The following PRB2 variants were observed in gnomAD, a reference collection of about 807,000 sequenced individuals.
PRB2 encodes proline rich protein BstNI subfamily 2.
Under a neutral mutation model 8.3 loss-of-function variants are expected in PRB2, and 12 were observed. The ratio of observed to expected loss-of-function variants is 1.45; its 90% confidence interval spans 0.93 to 2.35. The LOEUF is 2.35. Ranked by LOEUF, PRB2 falls within the 30% of genes most tolerant of loss-of-function variation. The pLI is 0.00. For missense variants in PRB2, 470 were observed against 507.0 expected, an observed-to-expected ratio of 0.93 and a Z score of 0.70; for synonymous variants, 146 against 180.0, an observed-to-expected ratio of 0.81 and a Z score of 1.51.
chr12:11,392,691 G>A, intron 3 of PRB2, 103 bp downstream of exon 3: 1 of 597,252 alleles, frequency 1.7e-6, no homozygotes, highest in Non-Finnish European at 2.6e-6. Flanking sequence ...ATGGGATCTG[G>A]GACTATACAA....
rs770514218 is a variant in PRB2 at position 11,393,687 on chromosome 12, C to G, written c.391G>C (p.Gly131Arg). 9.6e-6 allele frequency: 15 copies of G among 1,563,304 alleles called. No homozygotes were observed. In the South Asian group the frequency reaches 1.1e-4, roughly 12 times the overall value. Residue 131 changes from glycine to arginine, a missense_variant, in exon 3 of 4, where the codon GGT (glycine) becomes CGT (arginine). Coordinates refer to ENST00000389362, the MANE Select transcript of PRB2 (RefSeq NM_006248.4). ...GGCTTTCCTGGAGGAGGTGGAGGACCTTGAGGCTGGTTGCCTCCTTGTGGG... is the reference window on the plus strand; with the variant it reads ...GGCTTTCCTGGAGGAGGTGGAGGACGTTGAGGCTGGTTGCCTCCTTGTGGG... ...PPPQGGNQPQ[G>R]PPPPPGKPQG... is the part of the protein sequence containing the mutation.
intron 3 of PRB2, 42 bp from the exon 4 acceptor site, chr12:11,391,690 A>G (rs113580100): frequency 0.032 from 13,240 of 415,390 alleles, 820 homozygotes; most frequent in Non-Finnish European, 0.046. Flanking sequence ...CAGACTTGAC[A>G]TGGCAGGAAA....
chr12:11,395,565 GCTGGGAGGAACGTGGCA>G (rs1255948860), exon 1 of PRB2: 1 of 1,592,768 alleles, frequency 6.3e-7, no homozygotes, highest in Non-Finnish European at 8.6e-7. Flanking sequence ...CCAACTCTGT[GCTGGGAGGAACGTGGCA>G]ACTCCCTTTA....
At chr12:11,394,085 C>T (rs1864369197) in intron 2 of PRB2, 108 bp from the exon 3 acceptor site, 2 of 1,439,330 alleles carry the variant, frequency 1.4e-6, no homozygotes, top group South Asian at 1.2e-5. Context: ...AGTGGGGAAA[C>T]ACACAAAAAT....
chr12:11,394,621 A>G, intron 1 of PRB2, 91 bp from the exon 2 acceptor site: 2 of 1,474,174 alleles, frequency 1.4e-6, no homozygotes, highest in Non-Finnish European at 1.9e-6. Flanking sequence ...ACTTCTCACC[A>G]CACCCCATGC....
rs368029981 is a variant in PRB2, at chr12:11,394,846, C to G, written c.65-316G>C. Among the ~76,000 whole-genome samples, 321 of 152,274 alleles carry G rather than the reference C, an allele frequency of 2.1e-3. 2 individuals carry two copies. The highest frequency in any genetic ancestry group is 7.6e-3 in the African/African-American group (314 of 41,546). On this transcript the variant is annotated intron_variant, in intron 1 of 3. Coordinates refer to ENST00000389362, the MANE Select transcript of PRB2 (RefSeq NM_006248.4). ...TGATATTTTGGTGTTCTTATGCCCTCCATCTCCTATAAATACATTGCTTAT... is the reference window on the plus strand; with the variant it reads ...TGATATTTTGGTGTTCTTATGCCCTGCATCTCCTATAAATACATTGCTTAT...
Position 11,392,997 on chromosome 12 carries a change from A to C in PRB2, c.1081T>G (p.Ser361Ala), listed in dbSNP as rs200906432. ...QGGSKSRSAR[S>A]PPGKPQGPPQ... is the part of the protein sequence containing the mutation. ...GGTCCTTGTGGCTTTCCTGGAGGAG[A>C]TCGGGCACTTCGGGACTTGCTGCCT... Residue 361 changes from serine to alanine, a missense_variant, in exon 3 of 4, where the codon TCT becomes GCT. Transcript: ENST00000389362. 1,029 of 1,596,288 alleles carry C rather than the reference A, an allele frequency of 6.4e-4. 10 individuals carry two copies. The highest frequency in any genetic ancestry group is 3.7e-3 in the African/African-American group (263 of 70,330).
Position 11,393,200 on chromosome 12 carries a change from T to C in PRB2, c.878A>G (p.Lys293Arg), listed in dbSNP as rs757292752. ...TGGAGGAGATCGAGAACTTCGGGAC[T>C]TGCTGCCTCCTTGTGGGGGTGGTCC... ...PQGPPPQGGS[K>R]SRSSRSPPGK... Residue 293 changes from lysine (K) to arginine (R), a missense_variant, in exon 3 of 4, where the codon AAG (lysine) becomes AGG (arginine). Lys to Arg is a conservative substitution (Grantham distance 26). Transcript: ENST00000389362. The C allele has an allele frequency of 6.3e-7, 1 of 1,587,004 alleles. No individual in the cohort carries two copies.
rs1484761047 is a variant in PRB2 at position 11,395,471 on chromosome 12, T to C, written c.59A>G (p.Asn20Ser). The change falls in exon 1 of 4, where the codon AAT becomes AGT. Residue 20 changes from asparagine to serine, a missense_variant. Physicochemically the swap from Asn to Ser is conservative, Grantham distance 46. Around this residue, in one of 4 missense-constraint regions of PRB2, gnomAD observed 211 missense variants for 207.7 expected, o/e 1.02. Coordinates refer to ENST00000389362, the MANE Select transcript of PRB2 (RefSeq NM_006248.4). Reference protein sequence around the residue: ...LLALSSAQNLNEDVSQEESPS... With the variant: ...LLALSSAQNLSEDVSQEESPS... ...TTCTCCCCCTTCTGTTTTACCTTCA[T>C]TTAAGTTCTGAGCTGAGCTCAGGGC... 1.5e-5 allele frequency: 25 copies of C among 1,613,774 alleles called. No homozygotes were observed. The highest frequency in any genetic ancestry group is 1.6e-4 in the Middle Eastern group (1 of 6,062).
intron 2 of PRB2, among the ~76,000 whole-genome samples, chr12:11,394,254 GC>G (rs1392972879): frequency 2.6e-5 from 4 of 152,124 alleles, no homozygotes; most frequent in African/African-American, 9.7e-5. Context: ...GGCACTCCTG[GC>G]CAGGGGGATG....
chr12:11,394,568 C>A (rs374430017), intron 1 of PRB2, 38 bp from the exon 2 acceptor site: 8 of 1,608,014 alleles, frequency 5.0e-6, no homozygotes, highest in Admixed American at 1.7e-5. Context: ...ACAGTTACAT[C>A]TTGAACCTTA....
chr12:11,395,474 A>G lies in PRB2; in HGVS notation c.56T>C (p.Leu19Ser). 1 of 1,613,768 alleles carries G rather than the reference A, an allele frequency of 6.2e-7. No individual in the cohort carries two copies. The highest frequency in any genetic ancestry group is 8.5e-7 in the Non-Finnish European group (1 of 1,179,818). ...TCCCCCTTCTGTTTTACCTTCATTTAAGTTCTGAGCTGAGCTCAGGGCCAG... is the reference window on the plus strand; with the variant it reads ...TCCCCCTTCTGTTTTACCTTCATTTGAGTTCTGAGCTGAGCTCAGGGCCAG... Reference protein sequence around the residue: ...ALLALSSAQNLNEDVSQEESP... With the variant: ...ALLALSSAQNSNEDVSQEESP... Residue 19 changes from leucine to serine, a missense_variant, in exon 1 of 4, where the codon TTA (leucine) becomes TCA (serine). Coordinates refer to ENST00000389362, the MANE Select transcript of PRB2 (RefSeq NM_006248.4).
rs766041933 is a variant in PRB2 at position 11,393,135 on chromosome 12, G to C, written c.943C>G (p.Pro315Ala). Residue 315 changes from proline (P) to alanine (A), a missense_variant, in exon 3 of 4, where the codon CCT becomes GCT. Pro to Ala is a conservative substitution (Grantham distance 27). Transcript: ENST00000389362. Reference protein sequence around the residue: ...QGPPPQGGNQPQGPPPPPGKP... With the variant: ...QGPPPQGGNQAQGPPPPPGKP... ...CCTGGAGGAGGTGGGGGACCTTGAG[G>C]CTGGTTGCCTCCTTGTGGGGGTGGT... 1.0e-5 allele frequency: 16 copies of C among 1,588,510 alleles called. No individual in the cohort carries two copies. The South Asian group carries it at 1.3e-4, about 13-fold the overall frequency.
At chr12:11,394,666 A>C in intron 1 of PRB2, 136 bp from the exon 2 acceptor site, 1 of 1,175,148 alleles carries the variant, frequency 8.5e-7, no homozygotes, top group South Asian at 1.3e-5. Context: ...ACCATCTGTG[A>C]AGCTGCTGGA....
chr12:11,394,279 C>T (rs774836277), intron 2 of PRB2, among the ~76,000 whole-genome samples: 42 of 152,162 alleles, frequency 2.8e-4, no homozygotes, highest in Non-Finnish European at 5.7e-4. Flanking sequence ...TAACCCACTC[C>T]TGCTGTCATC....
intron 2 of PRB2, 98 bp downstream of exon 2, chr12:11,394,397 C>A: frequency 7.0e-7 from 1 of 1,425,884 alleles, no homozygotes; most frequent in Non-Finnish European, 9.9e-7. Flanking sequence ...TTAATCAATT[C>A]CCGAAAGGAA....
chr12:11,393,770 G>A lies in PRB2; in HGVS notation c.308C>T (p.Pro103Leu), dbSNP rs1864361108. 1.3e-6 allele frequency: 2 copies of A among 1,595,792 alleles called. No homozygotes were observed. Among genetic ancestry groups the A allele is most frequent in the Non-Finnish European group, 8.5e-7 (1 of 1,172,376 alleles). Residue 103 changes from proline to leucine, a missense_variant, in exon 3 of 4, where the codon CCA becomes CTA. Around this residue, in one of 4 missense-constraint regions of PRB2, gnomAD observed 211 missense variants for 207.7 expected, o/e 1.02. Coordinates refer to ENST00000389362, the MANE Select transcript of PRB2 (RefSeq NM_006248.4). Reference sequence around the variant, plus strand: ...GGGACTTCGGGACTTGTCTCCTTGTGGGGGTGGTCCTTGTGGCTTTCCTGG... The same window carrying A: ...GGGACTTCGGGACTTGTCTCCTTGTAGGGGTGGTCCTTGTGGCTTTCCTGG... The part of the protein sequence containing the change: ...PPPGKPQGPP[P>L]QGDKSRSPRS...
chr12:11,391,634 C>G lies in PRB2; in HGVS notation c.*48G>C, dbSNP rs1864328518. On this transcript the variant is annotated 3_prime_UTR_variant, in exon 4 of 4. Transcript: ENST00000389362. ...TTTGAATCATTTGAATCACTCTCAT[C>G]TTCTTATTCACTTCCTGAAACAAAC... is the stretch of plus-strand genomic sequence containing the variant. 2.3e-6 allele frequency: 1 copy of G among 438,262 alleles called. No homozygotes were observed. Among genetic ancestry groups the G allele is most frequent in the South Asian group, 1.6e-5 (1 of 62,052 alleles). 27.1% of individuals were successfully genotyped at this position (438,262 alleles called of 1,614,324 possible). A position where few individuals can be genotyped will look rare whatever the true frequency, so the allele number is the denominator to read the frequency against.
At position 11,393,260 on chromosome 12, in the gene PRB2, T is replaced by A. The variant is rs369970384; in HGVS notation, c.818A>T (p.Lys273Ile). The A allele has an allele frequency of 2.7e-6, 3 of 1,107,910 alleles. No homozygotes were observed. The highest frequency in any genetic ancestry group is 3.6e-6 in the Non-Finnish European group (3 of 841,280). The allele number at this position is 1,107,910 out of a possible 1,614,324, so 68.6% of individuals were successfully genotyped here. ...TCCTGGAGGTGGGGGACCTTGAGGT[T>A]TGTTGCCTCCTTGTGGGGGTGGTCC... ...PQGPPPQGGN[K>I]PQGPPPPGKP... Residue 273 changes from lysine to isoleucine, a missense_variant, in exon 3 of 4, where the codon AAA becomes ATA. By Grantham distance (102) the Lys-to-Ile change is moderately radical. Around this residue, in one of 4 missense-constraint regions of PRB2, gnomAD observed 205 missense variants for 195.0 expected, o/e 1.05. Transcript: ENST00000389362.
Sources: allele counts gnomAD v4.1 joint callset (sites outside exome capture counted in the v4.1 genomes callset), GRCh38; gene constraint gnomAD v4.1.1; regional missense constraint gnomAD v4.1.1; transcripts MANE v1.5; gene names NCBI Gene and HGNC (gene_info 2026-07-23, HGNC 2026-07-21).